Variants in COL28A1 observed in about 807,000 individuals in gnomAD.
COL28A1 encodes the protein collagen type XXVIII alpha 1 chain.
A neutral mutation model predicts 150.2 loss-of-function variants in COL28A1; 161 were observed. The observed-to-expected ratio is 1.07, with a 90% confidence interval of 0.94 to 1.22. COL28A1 has a LOEUF of 1.22. COL28A1 is among the 50% of genes most tolerant of loss of function. The pLI, the probability that COL28A1 is intolerant of heterozygous loss-of-function variation, is 0.00. For synonymous variants in COL28A1, 552 were observed against 469.7 expected, an observed-to-expected ratio of 1.18 and a Z score of -2.26; for missense variants, 1,617 against 1,388.3, an observed-to-expected ratio of 1.16 and a Z score of -2.62.
At chr7:7,453,249 C>T (rs1035342545) in intron 17 of COL28A1, among the ~76,000 whole-genome samples, 191 bp downstream of exon 17, 4 of 152,118 alleles carry the variant, frequency 2.6e-5, no homozygotes, top group Non-Finnish European at 5.9e-5. Context: ...GTAAATAAAG[C>T]TTTCTTAAAG....
At chr7:7,498,353 G>T (rs1044446735) in intron 11 of COL28A1, among the ~76,000 whole-genome samples, 3 of 152,122 alleles carry the variant, frequency 2.0e-5, no homozygotes, top group African/African-American at 7.2e-5. Context: ...AAAATTCAGG[G>T]TGGACATGCT....
At chr7:7,355,926 A>C (rs1361821629), downstream of COL28A1, among the ~76,000 whole-genome samples, 1 of 152,216 alleles carries the variant, frequency 6.6e-6, no homozygotes, top group Non-Finnish European at 1.5e-5. Context: ...GAGGAAAATG[A>C]AATAGGAGAA....
intron 27 of COL28A1, among the ~76,000 whole-genome samples, chr7:7,391,889 AG>A (rs1475020539): frequency 1.3e-5 from 2 of 149,698 alleles, no homozygotes; most frequent in African/African-American, 4.9e-5. Context: ...CTTGCACATG[AG>A]ATGGGTCTCC....
At chr7:7,348,276 T>C in the COL28A1 span, among the ~76,000 whole-genome samples, 1 of 152,140 alleles carries the variant, frequency 6.6e-6, no homozygotes, top group African/African-American at 2.4e-5. Flanking sequence ...TTACGTAGTG[T>C]AAGGGGGAGG....
At chr7:7,464,345 A>C (rs1787883274) in intron 15 of COL28A1, among the ~76,000 whole-genome samples, 2 of 152,218 alleles carry the variant, frequency 1.3e-5, no homozygotes, top group Non-Finnish European at 2.9e-5. Context: ...TCTACCCAAC[A>C]ACCACAAAAT....
chr7:7,429,435 C>T (rs1784823846), intron 25 of COL28A1, among the ~76,000 whole-genome samples: 1 of 101,242 alleles, frequency 9.9e-6, no homozygotes. Context: ...CTCACATACA[C>T]ACACACTCTC....
At chr7:7,520,925 CAT>C (rs544531991) in intron 5 of COL28A1, among the ~76,000 whole-genome samples, 164 of 152,314 alleles carry the variant, frequency 1.1e-3, no homozygotes, top group Non-Finnish European at 1.7e-3. Context: ...GCCCCACTAT[CAT>C]ATAACGCATC....
intron 25 of COL28A1, among the ~76,000 whole-genome samples, chr7:7,424,347 C>A (rs1487076882): frequency 6.6e-6 from 1 of 152,176 alleles, no homozygotes; most frequent in Admixed American, 6.5e-5. Context: ...TAGGCCACCA[C>A]ACCTGGTAAA....
At chr7:7,451,340 C>T (rs1044352229) in intron 18 of COL28A1, among the ~76,000 whole-genome samples, 3 of 152,036 alleles carry the variant, frequency 2.0e-5, no homozygotes, top group South Asian at 2.1e-4. Context: ...GTTCTCCCGC[C>T]TCAGCCACCC....
At chr7:7,389,991 CTT>C (rs2128293551) in intron 27 of COL28A1, among the ~76,000 whole-genome samples, 1 of 152,264 alleles carries the variant, frequency 6.6e-6, no homozygotes, top group East Asian at 1.9e-4. Flanking sequence ...ATTTCTTTCT[CTT>C]GACTGATTGC....
In COL28A1 at chr7:7,511,171, C is replaced by T. The variant is rs372374616; in HGVS notation, c.883-36G>A. ...AATAAGTGAAATAAATAAGAGAACA[C>T]TTGCAGTCATTCACTATTAAGAATG... is the stretch of plus-strand genomic sequence containing the variant. On this transcript the variant is annotated intron_variant, in intron 8 of 34. Transcript: ENST00000399429. The T allele has an allele frequency of 4.7e-6, 7 of 1,497,084 alleles. No individual in the cohort carries two copies. In the Admixed American group the frequency reaches 6.7e-5, roughly 14 times the overall value. 92.7% of individuals were successfully genotyped at this position (1,497,084 alleles called of 1,614,324 possible).
intron 15 of COL28A1, among the ~76,000 whole-genome samples, chr7:7,473,846 T>C (rs1788639968): frequency 1.3e-5 from 2 of 151,478 alleles, no homozygotes; most frequent in Non-Finnish European, 1.5e-5. Flanking sequence ...ACAGTGTGTG[T>C]GTTTGTTTAT....
At chr7:7,431,732 G>C in intron 25 of COL28A1, 1 of 406,006 alleles carries the variant, frequency 2.5e-6, no homozygotes, top group Non-Finnish European at 5.2e-6. Flanking sequence ...TTCCTGCTAA[G>C]TTATAGGAGG....
At chr7:7,465,103 C>A (rs1583439001) in intron 15 of COL28A1, among the ~76,000 whole-genome samples, 1 of 150,720 alleles carries the variant, frequency 6.6e-6, no homozygotes, top group Non-Finnish European at 1.5e-5. Flanking sequence ...GGGGGAGGAG[C>A]CAAGATGGCC....
intron 12 of COL28A1, among the ~76,000 whole-genome samples, chr7:7,490,125 G>A (rs774262714): frequency 9.9e-5 from 15 of 152,254 alleles, no homozygotes; most frequent in Non-Finnish European, 1.5e-4. Context: ...CAGGATGGAC[G>A]TTCCTTCCTT....
chr7:7,451,344 G>A (rs907085549), intron 18 of COL28A1, among the ~76,000 whole-genome samples: 6 of 152,024 alleles, frequency 3.9e-5, no homozygotes, highest in African/African-American at 9.6e-5. Context: ...TCCCGCCTCA[G>A]CCACCCTAGT....
rs144203775 is a variant in COL28A1, at chr7:7,447,884, T to A, written c.1510-3395A>T. On this transcript the variant is annotated intron_variant, in intron 18 of 34. Transcript: ENST00000399429. ...AAACATCCAAATAGCCAGGCCAACATTACTAAAGCCCATCTCTACTAAAAA... is the reference window on the plus strand; with the variant it reads ...AAACATCCAAATAGCCAGGCCAACAATACTAAAGCCCATCTCTACTAAAAA... Among the ~76,000 whole-genome samples the A allele has an allele frequency of 7.5e-4, 114 of 152,094 alleles. 1 individual carries two copies. Among genetic ancestry groups the A allele is most frequent in the African/African-American group, 2.5e-3 (105 of 41,474 alleles).
At chr7:7,359,469 CTAA>C (rs1049334643) in intron 34 of COL28A1, among the ~76,000 whole-genome samples, 5 of 152,098 alleles carry the variant, frequency 3.3e-5, no homozygotes, top group African/African-American at 1.2e-4. Flanking sequence ...CCACATTGTC[CTAA>C]TAAGGTTCCT....
chr7:7,417,633 T>C (rs1337958785), intron 27 of COL28A1: 1 of 519,968 alleles, frequency 1.9e-6, no homozygotes, highest in Non-Finnish European at 3.3e-6. Flanking sequence ...ATAGAACAGT[T>C]CACTTTTGCA....
Sources: allele counts gnomAD v4.1 joint callset (sites outside exome capture counted in the v4.1 genomes callset), GRCh38; gene constraint gnomAD v4.1.1; transcripts MANE v1.5; gene names NCBI Gene and HGNC (gene_info 2026-07-23, HGNC 2026-07-21).